SEMA3A: variants seen among roughly 807,000 people sequenced by gnomAD.
The protein encoded by SEMA3A is semaphorin-3A.
SEMA3A carries 29 observed loss-of-function variants against 97.9 expected under a neutral mutation model. That is an observed-to-expected ratio of 0.30 (90% CI 0.22 to 0.40). The LOEUF (loss-of-function observed/expected upper bound fraction) is 0.40, where lower values mean the gene tolerates loss of function less well. Ranked by LOEUF, SEMA3A falls within the 10% of genes least tolerant of loss-of-function variation. The pLI, the probability that SEMA3A is intolerant of heterozygous loss-of-function variation, is 1.00. For missense variants in SEMA3A, 763 were observed against 951.3 expected (o/e 0.80, Z 2.60); for synonymous variants, 321 against 323.7 (o/e 0.99, Z 0.09).
chr7:84,245,730 TGTCCCAGAGG>T (rs1320491631), intron 3 of SEMA3A, among the ~76,000 whole-genome samples: 1 of 152,042 alleles, frequency 6.6e-6, no homozygotes, highest in Non-Finnish European at 1.5e-5. Flanking sequence ...CTGGAAACTT[TGTCCCAGAGG>T]GACACCCACA....
chr7:84,406,052 G>A (rs1804075288), intron 1 of SEMA3A, among the ~76,000 whole-genome samples: 1 of 152,058 alleles, frequency 6.6e-6, no homozygotes, highest in Non-Finnish European at 1.5e-5. Context: ...TAAGATCAGA[G>A]CAAAACTGAA....
At chr7:83,993,626 G>A (rs899219104) in intron 12 of SEMA3A, among the ~76,000 whole-genome samples, 1 of 139,432 alleles carries the variant, frequency 7.2e-6, no homozygotes, top group Non-Finnish European at 1.5e-5. Context: ...TTTTCTTTAA[G>A]AATGTTGAAT....
At chr7:84,406,321 C>A (rs1278667947) in intron 1 of SEMA3A, among the ~76,000 whole-genome samples, 1 of 152,152 alleles carries the variant, frequency 6.6e-6, no homozygotes, top group African/African-American at 2.4e-5. Context: ...AATTCCTTGA[C>A]ACATACACCC....
intron 1 of SEMA3A, among the ~76,000 whole-genome samples, chr7:84,142,192 T>G (rs1338207854): frequency 2.0e-5 from 3 of 152,218 alleles, no homozygotes; most frequent in African/African-American, 7.2e-5. Flanking sequence ...TGTTATCACT[T>G]AACGGTCATT....
At chr7:84,284,140 C>T (rs1448428163) in intron 3 of SEMA3A, among the ~76,000 whole-genome samples, 1 of 152,006 alleles carries the variant, frequency 6.6e-6, no homozygotes, top group East Asian at 1.9e-4. Context: ...AATGAGATGA[C>T]TAATTTATAT....
intron 1 of SEMA3A, among the ~76,000 whole-genome samples, chr7:84,464,042 A>G (rs557925747): frequency 6.6e-6 from 1 of 152,294 alleles, no homozygotes; most frequent in Non-Finnish European, 1.5e-5. Context: ...ACTTTGACAT[A>G]ATTTTCAATT....
chr7:84,069,656 G>A (rs1793667821), intron 4 of SEMA3A, among the ~76,000 whole-genome samples: 1 of 152,162 alleles, frequency 6.6e-6, no homozygotes, highest in Non-Finnish European at 1.5e-5. Flanking sequence ...TTTCTAATAT[G>A]AGACATTCTT....
intron 1 of SEMA3A, among the ~76,000 whole-genome samples, chr7:84,490,987 T>C (rs1806710534): frequency 6.6e-6 from 1 of 152,150 alleles, no homozygotes; most frequent in African/African-American, 2.4e-5. Flanking sequence ...AGAATGACTG[T>C]GAAACTCCGT....
chr7:84,099,807 T>G (rs1038674424), intron 4 of SEMA3A, among the ~76,000 whole-genome samples: 4 of 152,156 alleles, frequency 2.6e-5, no homozygotes, highest in Non-Finnish European at 5.9e-5. Context: ...TAGGGTCTTA[T>G]GATGTCACTA....
chr7:84,196,375 C>T (rs944934785), upstream of SEMA3A, among the ~76,000 whole-genome samples: 9 of 152,110 alleles, frequency 5.9e-5, no homozygotes, highest in Non-Finnish European at 1.3e-4. Context: ...CTCTCTCTCT[C>T]TCTCTCTGTC....
At chr7:83,980,636 A>ATATC (rs1789372395) in intron 14 of SEMA3A, among the ~76,000 whole-genome samples, 1 of 118,458 alleles carries the variant, frequency 8.4e-6, no homozygotes, top group African/African-American at 2.9e-5. Context: ...ATATATATAT[A>ATATC]TATACACACA....
chr7:84,325,786 T>A (rs1449660664), intron 2 of SEMA3A, among the ~76,000 whole-genome samples: 2 of 152,108 alleles, frequency 1.3e-5, no homozygotes, highest in African/African-American at 4.8e-5. Flanking sequence ...TCAATATACA[T>A]ATACATTGTT....
intron 11 of SEMA3A, among the ~76,000 whole-genome samples, chr7:84,003,693 G>A (rs1376650347): frequency 6.6e-6 from 1 of 152,094 alleles, no homozygotes; most frequent in Non-Finnish European, 1.5e-5. Context: ...AGCCAGAGGT[G>A]AAGAAAAAGG....
intron 1 of SEMA3A, among the ~76,000 whole-genome samples, chr7:84,481,596 T>A (rs912391360): frequency 6.6e-6 from 1 of 152,178 alleles, no homozygotes; most frequent in Admixed American, 6.5e-5. Flanking sequence ...ACTTTTTAAT[T>A]TAAGTAATGC....
At chr7:84,216,641 C>A (rs1562857001) in intron 3 of SEMA3A, among the ~76,000 whole-genome samples, 1 of 151,978 alleles carries the variant, frequency 6.6e-6, no homozygotes, top group African/African-American at 2.4e-5. Flanking sequence ...TCATGTTAGG[C>A]AGAATGACAA....
At chr7:84,357,102 C>CT (rs34822438) in intron 2 of SEMA3A, among the ~76,000 whole-genome samples, 10 of 149,126 alleles carry the variant, frequency 6.7e-5, no homozygotes, top group South Asian at 2.1e-4. Context: ...AAACTAATTT[C>CT]TTTTTTTTTC....
At chr7:83,980,623 A>ATATAT (rs1554383377) in intron 14 of SEMA3A, among the ~76,000 whole-genome samples, 17 of 71,742 alleles carry the variant, frequency 2.4e-4, no homozygotes, top group African/African-American at 1.2e-3. Context: ...AAAAAAAAAA[A>ATATAT]ATATATATAT....
At chr7:83,966,515 T>C (rs189014441) in intron 15 of SEMA3A, among the ~76,000 whole-genome samples, 14 of 152,266 alleles carry the variant, frequency 9.2e-5, no homozygotes, top group Non-Finnish European at 1.5e-5. Flanking sequence ...AGTTTACCCT[T>C]TCTTTCCCCT....
chr7:84,109,801 T>C (rs1795222058), intron 4 of SEMA3A, among the ~76,000 whole-genome samples: 1 of 152,214 alleles, frequency 6.6e-6, no homozygotes. Context: ...GGGTTTATAA[T>C]TGAAGGCTAT....
Sources: allele counts gnomAD v4.1 joint callset (sites outside exome capture counted in the v4.1 genomes callset), GRCh38; gene constraint gnomAD v4.1.1; transcripts MANE v1.5; gene names NCBI Gene and HGNC (gene_info 2026-07-23, HGNC 2026-07-21).